Variants in LHFPL3 observed in about 807,000 individuals in gnomAD.
The protein encoded by LHFPL3 is LHFPL tetraspan subfamily member 3.
LHFPL3 carries 5 observed loss-of-function variants against 19.3 expected under a neutral mutation model. That is an observed-to-expected ratio of 0.26 (90% CI 0.14 to 0.54). LHFPL3 has a LOEUF of 0.54. Among genes scored for constraint, LHFPL3 ranks in the 20% least tolerant of loss-of-function variants. The probability of loss-of-function intolerance (pLI) is 0.94; values close to 1 mark genes in which losing one functional copy is unlikely to be tolerated. For missense variants in LHFPL3, 249 were observed against 307.4 expected (o/e 0.81, Z 1.42); for synonymous variants, 133 against 126.2 (o/e 1.05, Z -0.36).
Position 104,554,644 on chromosome 7 carries a change from T to C in LHFPL3, c.446-182031T>C, listed in dbSNP as rs28666889. Among the ~76,000 whole-genome samples the C allele has an allele frequency of 9.6e-3, 279 of 28,918 alleles. 1 individual carries two copies. Among genetic ancestry groups the C allele is most frequent in the African/African-American group, 0.022 (262 of 11,692 alleles). 19.0% of individuals were successfully genotyped at this position (28,918 alleles called of 152,430 possible). On this transcript the variant is annotated intron_variant, in intron 1 of 2. Transcript: ENST00000424859. ...TAATAGGATAGATTAGATAGACAGATAGATAGATAGATAGATAGATAGATA... is the reference window on the plus strand; with the variant it reads ...TAATAGGATAGATTAGATAGACAGACAGATAGATAGATAGATAGATAGATA...
intron 2 of LHFPL3, among the ~76,000 whole-genome samples, chr7:104,802,647 T>C (rs910875407): frequency 6.6e-6 from 1 of 152,104 alleles, no homozygotes; most frequent in African/African-American, 2.4e-5. Context: ...TCTAAAATTG[T>C]AAGAAATAAA....
chr7:104,603,986 A>G (rs185991081), intron 1 of LHFPL3, among the ~76,000 whole-genome samples: 134 of 152,252 alleles, frequency 8.8e-4, no homozygotes, highest in African/African-American at 3.1e-3. Context: ...ACAAGCTGGT[A>G]GTTCTACAGT....
chr7:104,570,190 T>C (rs1049341184), intron 1 of LHFPL3, among the ~76,000 whole-genome samples: 7 of 152,172 alleles, frequency 4.6e-5, no homozygotes, highest in Non-Finnish European at 5.9e-5. Context: ...CCAGTCTATA[T>C]TGATTGATTG....
intron 1 of LHFPL3, among the ~76,000 whole-genome samples, chr7:104,507,302 CG>C (rs1793717892): frequency 6.9e-6 from 1 of 145,962 alleles, no homozygotes; most frequent in Non-Finnish European, 1.5e-5. Context: ...GAAATAACCC[CG>C]CATATCTACA....
At chr7:104,592,404 G>C (rs1004731686) in intron 1 of LHFPL3, among the ~76,000 whole-genome samples, 1 of 151,082 alleles carries the variant, frequency 6.6e-6, no homozygotes, top group East Asian at 2.0e-4. Flanking sequence ...GACCCTGTTT[G>C]CCTGGGTATC....
intron 1 of LHFPL3, among the ~76,000 whole-genome samples, chr7:104,500,689 G>A (rs539837009): frequency 3.3e-5 from 5 of 152,050 alleles, no homozygotes; most frequent in South Asian, 2.1e-4. Context: ...CCTTTCCCTC[G>A]CCACAGAGGG....
At chr7:104,340,511 C>T (rs1179608737) in intron 1 of LHFPL3, among the ~76,000 whole-genome samples, 1 of 152,164 alleles carries the variant, frequency 6.6e-6, no homozygotes, top group Non-Finnish European at 1.5e-5. Context: ...ATTACTGTTA[C>T]TATTCCTACT....
chr7:104,651,242 C>G (rs1338816871), intron 1 of LHFPL3, among the ~76,000 whole-genome samples: 1 of 152,172 alleles, frequency 6.6e-6, no homozygotes, highest in Non-Finnish European at 1.5e-5. Flanking sequence ...CTAAAATCAT[C>G]CAAACCTCCT....
At chr7:104,826,549 C>A in intron 2 of LHFPL3, 1 of 158,946 alleles carries the variant, frequency 6.3e-6, no homozygotes. Flanking sequence ...ATAAATGGAG[C>A]CCCTTTGAAT....
intron 2 of LHFPL3, among the ~76,000 whole-genome samples, chr7:104,810,244 G>T (rs79252441): frequency 6.6e-6 from 1 of 152,148 alleles, no homozygotes; most frequent in Non-Finnish European, 1.5e-5. Context: ...TGTGGGCCCC[G>T]GACTTCATCC....
At chr7:104,638,459 T>A (rs147062289) in intron 1 of LHFPL3, among the ~76,000 whole-genome samples, 3 of 152,112 alleles carry the variant, frequency 2.0e-5, no homozygotes, top group Non-Finnish European at 2.9e-5. Context: ...GGCATCCTTG[T>A]CTTGTGCCAG....
chr7:104,653,596 G>C lies in LHFPL3; in HGVS notation c.446-83079G>C, dbSNP rs143777299. ...ATGGAAAAATCATTCTTGGTTCATG[G>C]GCCAGCCAAAAACAGGCTACAGGTG... On this transcript the variant is annotated intron_variant, in intron 1 of 2. Coordinates refer to ENST00000424859, the MANE Select transcript of LHFPL3 (RefSeq NM_199000.3). Among the ~76,000 whole-genome samples the C allele has an allele frequency of 1.3e-3, 193 of 152,202 alleles. 1 individual carries two copies. Among genetic ancestry groups the C allele is most frequent in the African/African-American group, 4.3e-3 (180 of 41,530 alleles).
At chr7:104,551,041 C>T (rs1050518675) in intron 1 of LHFPL3, among the ~76,000 whole-genome samples, 5 of 151,914 alleles carry the variant, frequency 3.3e-5, no homozygotes, top group African/African-American at 4.8e-5. Context: ...CAATAGACTG[C>T]AAGACACAAT....
chr7:104,424,634 T>C (rs1190221110), intron 1 of LHFPL3, among the ~76,000 whole-genome samples: 2 of 152,044 alleles, frequency 1.3e-5, no homozygotes, highest in African/African-American at 4.8e-5. Context: ...GCTACTCCAG[T>C]GGGTAGAAGT....
chr7:104,451,852 C>G (rs989628568), intron 1 of LHFPL3, among the ~76,000 whole-genome samples: 1 of 152,008 alleles, frequency 6.6e-6, no homozygotes, highest in Admixed American at 6.6e-5. Flanking sequence ...TTAAGCGATT[C>G]TTCTGGCTCA....
At chr7:104,824,484 T>G (rs1455258677) in intron 2 of LHFPL3, among the ~76,000 whole-genome samples, 19 of 66,492 alleles carry the variant, frequency 2.9e-4, no homozygotes, top group African/African-American at 6.3e-4. Context: ...TATAATTATA[T>G]ATAATCTATA....
intron 1 of LHFPL3, among the ~76,000 whole-genome samples, chr7:104,637,431 C>T (rs1290873880): frequency 6.6e-6 from 1 of 151,994 alleles, no homozygotes. Context: ...TTGCTTTTGG[C>T]GTCTTCATCA....
intron 1 of LHFPL3, among the ~76,000 whole-genome samples, chr7:104,412,554 GAC>G (rs1791552600): frequency 6.6e-6 from 1 of 152,080 alleles, no homozygotes; most frequent in African/African-American, 2.4e-5. Context: ...TAATTTCAAT[GAC>G]ACAGTAATTT....
intron 2 of LHFPL3, among the ~76,000 whole-genome samples, chr7:104,876,073 C>A (rs900088761): frequency 3.9e-5 from 6 of 152,090 alleles, no homozygotes; most frequent in Admixed American, 6.5e-5. Context: ...AACTGGCTAG[C>A]CATATGTAGA....
Sources: allele counts gnomAD v4.1 joint callset (sites outside exome capture counted in the v4.1 genomes callset), GRCh38; gene constraint gnomAD v4.1.1; transcripts MANE v1.5; gene names NCBI Gene and HGNC (gene_info 2026-07-23, HGNC 2026-07-21).